Variants in NLN observed in about 807,000 individuals in gnomAD.
NLN encodes neurolysin.
A neutral mutation model predicts 79.9 loss-of-function variants in NLN; 64 were observed. The observed-to-expected ratio is 0.80, with a 90% CI of 0.65 to 0.99. The LOEUF (loss-of-function observed/expected upper bound fraction) is 0.99, where lower values mean the gene tolerates loss of function less well. Among genes scored for constraint, NLN ranks in the 50% least tolerant of loss-of-function variants. NLN has a pLI of 0.00. For synonymous variants in NLN, 267 were observed against 296.6 expected, an observed-to-expected ratio of 0.90 and a Z score of 1.02; for missense variants, 835 against 858.7, an observed-to-expected ratio of 0.97 and a Z score of 0.34.
At chr5:65,742,779 T>C (rs1561182189) in intron 1 of NLN, among the ~76,000 whole-genome samples, 1 of 152,212 alleles carries the variant, frequency 6.6e-6, no homozygotes, top group Non-Finnish European at 1.5e-5. Flanking sequence ...GCATGTATTG[T>C]AGATTATCTA....
chr5:65,815,880 G>A (rs1760659020), intron 12 of NLN, among the ~76,000 whole-genome samples: 1 of 151,902 alleles, frequency 6.6e-6, no homozygotes. Flanking sequence ...AACAATCCTA[G>A]TCTCCAAAAA....
chr5:65,788,280 C>G lies in NLN; in HGVS notation c.1121C>G (p.Ser374Cys). The G allele has an allele frequency of 6.2e-7, 1 of 1,613,898 alleles. No individual in the cohort carries two copies. Among genetic ancestry groups the G allele is most frequent in the South Asian group, 1.1e-5 (1 of 91,072 alleles). ...YMTQTEELKYSIDQEFLKEYF... is the reference protein window; with the variant it reads ...YMTQTEELKYCIDQEFLKEYF... ...ACTCAGACAGAGGAACTCAAGTATTCCATAGACCAAGAGTTCCTCAAGGAA... is the reference window on the plus strand; with the variant it reads ...ACTCAGACAGAGGAACTCAAGTATTGCATAGACCAAGAGTTCCTCAAGGAA... Residue 374 changes from serine to cysteine, a missense_variant, in exon 8 of 13, where the codon TCC becomes TGC. Ser to Cys is a moderately radical substitution (Grantham distance 112). Transcript: ENST00000380985.
intron 9 of NLN, among the ~76,000 whole-genome samples, chr5:65,800,987 C>T (rs1760274426): frequency 6.6e-6 from 1 of 152,110 alleles, no homozygotes; most frequent in Non-Finnish European, 1.5e-5. Context: ...GCCACTGTGC[C>T]TGGCCAAAAT....
rs1760091081 is a variant in NLN at position 65,792,653 on chromosome 5, C to A, written c.1525C>A (p.Gln509Lys). The part of the protein sequence containing the change: ...FGHVMHQICA[Q>K]TDFARFSGTN... ...TCACGTGATGCATCAGATTTGTGCA[C>A]AGGTGAGTTTTTTTTTTCCCCCAGT... The change falls in exon 9 of 13, where the codon CAG becomes AAG. Residue 509 changes from glutamine (Q) to lysine (K), a missense_variant and splice_region_variant. Physicochemically the swap from Gln to Lys is moderately conservative, Grantham distance 53 (BLOSUM62 1). Coordinates refer to ENST00000380985, the MANE Select transcript of NLN (RefSeq NM_020726.5). 1.2e-6 allele frequency: 2 copies of A among 1,610,740 alleles called. No individual in the cohort carries two copies. Among genetic ancestry groups the A allele is most frequent in the African/African-American group, 2.7e-5 (2 of 74,578 alleles).
Position 65,823,089 on chromosome 5 carries a change from A to G in NLN, c.*174A>G, listed in dbSNP as rs1040486236. On this transcript the variant is annotated 3_prime_UTR_variant, in exon 13 of 13. Coordinates refer to ENST00000380985, the MANE Select transcript of NLN (RefSeq NM_020726.5). ...TGTAAATGGAATTATAAATACTGTG[A>G]CCTAAGAAAAGACCCACTAGAAAGT... 1.9e-6 allele frequency: 1 copy of G among 521,400 alleles called. No individual in the cohort carries two copies. The highest frequency in any genetic ancestry group is 1.9e-5 in the African/African-American group (1 of 51,498). 32.3% of individuals were successfully genotyped at this position (521,400 alleles called of 1,614,324 possible). A position where few individuals can be genotyped will look rare whatever the true frequency, so the allele number is the denominator to read the frequency against.
chr5:65,805,700 C>T (rs757417156), intron 9 of NLN, among the ~76,000 whole-genome samples: 48 of 152,386 alleles, frequency 3.1e-4, no homozygotes, highest in Admixed American at 9.8e-4. Context: ...GATTTAGAAG[C>T]TGTGGCAAGT....
chr5:65,733,089 CT>C, intron 1 of NLN: 1 of 1,395,514 alleles, frequency 7.2e-7, no homozygotes, highest in Non-Finnish European at 1.0e-6. Context: ...ATTTCTTGCT[CT>C]CCCCAGGTGC....
At chr5:65,796,509 C>G (rs759351482) in intron 9 of NLN, among the ~76,000 whole-genome samples, 1 of 152,174 alleles carries the variant, frequency 6.6e-6, no homozygotes, top group Non-Finnish European at 1.5e-5. Flanking sequence ...TTTGCCTAAC[C>G]TCATCCATGA....
intron 1 of NLN, among the ~76,000 whole-genome samples, chr5:65,737,518 C>T (rs1397909844): frequency 3.9e-5 from 6 of 152,090 alleles, no homozygotes; most frequent in African/African-American, 1.4e-4. Context: ...ATGGTCATTA[C>T]ATAAGGGATG....
chr5:65,825,991 G>T lies in NLN; in HGVS notation c.*3076G>T, dbSNP rs1760912104. 6.6e-6 allele frequency: 1 copy of T among 152,134 alleles called. No homozygotes were observed. Among genetic ancestry groups the T allele is most frequent in the African/African-American group, 2.4e-5 (1 of 41,438 alleles). 9.4% of individuals were successfully genotyped at this position (152,134 alleles called of 1,614,324 possible). A position where few individuals can be genotyped will look rare whatever the true frequency, so the allele number is the denominator to read the frequency against. On this transcript the variant is annotated 3_prime_UTR_variant, in exon 13 of 13. Coordinates refer to ENST00000380985, the MANE Select transcript of NLN (RefSeq NM_020726.5). ...TTCAGGCTTCTATAACAAAATATCA[G>T]ACTGGGTGGCTTCAAAAGCAGACAT...
chr5:65,740,455 T>C (rs1758843717), intron 1 of NLN, among the ~76,000 whole-genome samples: 1 of 152,218 alleles, frequency 6.6e-6, no homozygotes, highest in African/African-American at 2.4e-5. Flanking sequence ...CTCTTAATAC[T>C]GTTAAACTGA....
intron 5 of NLN, among the ~76,000 whole-genome samples, chr5:65,780,783 C>T (rs2150757110): frequency 6.6e-6 from 1 of 152,360 alleles, no homozygotes; most frequent in Admixed American, 6.5e-5. Flanking sequence ...AAGCAATTCT[C>T]TTGCCTCAGC....
Position 65,802,616 on chromosome 5 carries a change from G to A in NLN, c.1528-6899G>A, listed in dbSNP as rs188137205. Among the ~76,000 whole-genome samples the A allele has an allele frequency of 1.3e-4, 20 of 152,304 alleles. No individual in the cohort carries two copies. In the East Asian group the frequency reaches 3.7e-3, roughly 28 times the overall value. On this transcript the variant is annotated intron_variant, in intron 9 of 12. Coordinates refer to ENST00000380985, the MANE Select transcript of NLN (RefSeq NM_020726.5). Reference sequence around the variant, plus strand: ...TAGGCCCCACCATTCGGCAGGTCCCGAGTTCCTGTCCCGTGCCCAGGAAGA... The same window carrying A: ...TAGGCCCCACCATTCGGCAGGTCCCAAGTTCCTGTCCCGTGCCCAGGAAGA...
intron 3 of NLN, among the ~76,000 whole-genome samples, chr5:65,765,322 A>G (rs1029232139): frequency 1.3e-5 from 2 of 152,210 alleles, no homozygotes; most frequent in African/African-American, 4.8e-5. Flanking sequence ...GTTCAAGACC[A>G]GCCTGGTCAA....
At chr5:65,750,865 A>G (rs1429572275) in intron 1 of NLN, among the ~76,000 whole-genome samples, 1 of 152,226 alleles carries the variant, frequency 6.6e-6, no homozygotes, top group Non-Finnish European at 1.5e-5. Context: ...TGTAGAAATC[A>G]GAAATAAAGG....
Position 65,825,290 on chromosome 5 carries a change from T to C in NLN, c.*2375T>C, listed in dbSNP as rs1579979633. 1 of 152,278 alleles carries C rather than the reference T, an allele frequency of 6.6e-6. No homozygotes were observed. Among genetic ancestry groups the C allele is most frequent in the Non-Finnish European group, 1.5e-5 (1 of 68,020 alleles). The allele number at this position is 152,278 out of a possible 1,614,324, so 9.4% of individuals were successfully genotyped here. A position where few individuals can be genotyped will look rare whatever the true frequency, so the allele number is the denominator to read the frequency against. ...ACATGCTTGAAATGGTGGATAACTATGTAAATTGTAATTGGACAAATGTAC... is the reference window on the plus strand; with the variant it reads ...ACATGCTTGAAATGGTGGATAACTACGTAAATTGTAATTGGACAAATGTAC... On this transcript the variant is annotated 3_prime_UTR_variant, in exon 13 of 13. Coordinates refer to ENST00000380985, the MANE Select transcript of NLN (RefSeq NM_020726.5).
chr5:65,725,438 A>C (rs1459956519), intron 1 of NLN, among the ~76,000 whole-genome samples: 1 of 152,168 alleles, frequency 6.6e-6, no homozygotes, highest in African/African-American at 2.4e-5. Context: ...CTTTGAATGG[A>C]TGTTGAATCC....
intron 2 of NLN, among the ~76,000 whole-genome samples, chr5:65,759,256 G>A (rs1206167256): frequency 6.6e-6 from 1 of 152,086 alleles, no homozygotes; most frequent in African/African-American, 2.4e-5. Context: ...CTGTAATGCT[G>A]TATAACCATT....
chr5:65,818,223 A>G (rs1441902536), intron 12 of NLN, among the ~76,000 whole-genome samples: 1 of 152,092 alleles, frequency 6.6e-6, no homozygotes, highest in East Asian at 1.9e-4. Context: ...TTAGTTGTCT[A>G]TTTCTTTATC....
Sources: allele counts gnomAD v4.1 joint callset (sites outside exome capture counted in the v4.1 genomes callset), GRCh38; gene constraint gnomAD v4.1.1; transcripts MANE v1.5; gene names NCBI Gene and HGNC (gene_info 2026-07-23, HGNC 2026-07-21).